MARCHF8: variants seen among roughly 807,000 people sequenced by gnomAD.
MARCHF8 encodes E3 ubiquitin-protein ligase MARCHF8.
Under a neutral mutation model 51.6 loss-of-function variants are expected in MARCHF8, and 40 were observed. The ratio of observed to expected loss-of-function variants is 0.77; its 90% CI spans 0.60 to 1.01. The LOEUF (loss-of-function observed/expected upper bound fraction) is 1.01, where lower values mean the gene tolerates loss of function less well. MARCHF8 is among the 50% of genes least tolerant of loss of function. MARCHF8 has a pLI of 0.00. For missense variants in MARCHF8, 685 were observed against 708.6 expected (o/e 0.97, Z 0.38); for synonymous variants, 263 against 280.3 (o/e 0.94, Z 0.62).
chr10:45,583,574 T>C (rs1398257354), intron 1 of MARCHF8, among the ~76,000 whole-genome samples: 1 of 152,154 alleles, frequency 6.6e-6, no homozygotes, highest in East Asian at 1.9e-4. Flanking sequence ...TATAGAATAG[T>C]AAATAAAACT....
At chr10:45,543,797 C>CAAAAAAAAA (rs35514763) in intron 1 of MARCHF8, among the ~76,000 whole-genome samples, 1 of 49,732 alleles carries the variant, frequency 2.0e-5, no homozygotes, top group Non-Finnish European at 3.6e-5. Flanking sequence ...GACTCCGTCT[C>CAAAAAAAAA]AAAAAAAAAA....
At chr10:45,548,995 CAAA>C (rs34591285) in intron 1 of MARCHF8, among the ~76,000 whole-genome samples, 4 of 110,288 alleles carry the variant, frequency 3.6e-5, no homozygotes, top group Non-Finnish European at 3.8e-5. Context: ...GACTCCATCT[CAAA>C]AAAAAAAAAA....
chr10:45,550,339 A>G (rs771809459), intron 1 of MARCHF8, among the ~76,000 whole-genome samples: 6 of 152,246 alleles, frequency 3.9e-5, no homozygotes, highest in Non-Finnish European at 7.3e-5. Flanking sequence ...TTCCTTAACA[A>G]ACACATGGAT....
In MARCHF8 at chr10:45,579,846, T is replaced by G. The variant is rs181565332; in HGVS notation, c.-79+14389A>C. 1.0e-3 allele frequency among the ~76,000 whole-genome samples: 157 copies of G among 151,888 alleles called. 3 individuals carry two copies. The East Asian group carries it at 0.023, about 22-fold the overall frequency. ...CTGGCCAACATGGTGAAACCCTGTC[T>G]CTACTAAAAATACAAAAGTTAGCCG... On this transcript the variant is annotated intron_variant, in intron 1 of 6. Coordinates refer to the MARCHF8 transcript ENST00000319836.
At chr10:45,520,438 G>A (rs575026351) in intron 2 of MARCHF8, among the ~76,000 whole-genome samples, 1 of 152,284 alleles carries the variant, frequency 6.6e-6, no homozygotes, top group Admixed American at 6.5e-5. Flanking sequence ...ATCAAATTAA[G>A]TTCCTTTCAT....
chr10:45,486,597 T>C (rs1342914729), intron 3 of MARCHF8, among the ~76,000 whole-genome samples: 1 of 152,044 alleles, frequency 6.6e-6, no homozygotes, highest in Non-Finnish European at 1.5e-5. Context: ...AAAAATAATG[T>C]ATGGTTCTCC....
intron 3 of MARCHF8, among the ~76,000 whole-genome samples, chr10:45,466,699 AG>A (rs1352651217): frequency 6.6e-6 from 1 of 152,056 alleles, no homozygotes; most frequent in Admixed American, 6.5e-5. Flanking sequence ...TGTTGGGAGG[AG>A]GTAAGGTCTT....
At chr10:45,493,457 C>T (rs1328745380) in intron 2 of MARCHF8, among the ~76,000 whole-genome samples, 4 of 152,206 alleles carry the variant, frequency 2.6e-5, no homozygotes, top group Non-Finnish European at 4.4e-5. Context: ...ACACACTACC[C>T]TGGCTTTCAT....
intron 2 of MARCHF8, among the ~76,000 whole-genome samples, chr10:45,510,995 A>G (rs1428602469): frequency 2.0e-5 from 3 of 152,236 alleles, no homozygotes; most frequent in Admixed American, 1.3e-4. Flanking sequence ...TTATGAAAAA[A>G]TGGATTTATA....
At chr10:45,542,982 G>A (rs988878739) in intron 1 of MARCHF8, among the ~76,000 whole-genome samples, 1 of 152,130 alleles carries the variant, frequency 6.6e-6, no homozygotes, top group Non-Finnish European at 1.5e-5. Flanking sequence ...ACTCTTCTAG[G>A]AAAAGGTGGT....
At chr10:45,464,477 G>C in intron 3 of MARCHF8, 150 bp from the exon 4 acceptor site, 1 of 647,124 alleles carries the variant, frequency 1.5e-6, no homozygotes. Context: ...TCTAAGCCTT[G>C]GCAAAACAAA....
chr10:45,537,759 A>C (rs994351074), upstream of MARCHF8, among the ~76,000 whole-genome samples: 2 of 152,182 alleles, frequency 1.3e-5, no homozygotes, highest in Non-Finnish European at 2.9e-5. Context: ...AGATAAATCT[A>C]TAGAGACAGA....
chr10:45,464,599 C>G (rs1235000872), intron 3 of MARCHF8, among the ~76,000 whole-genome samples: 1 of 152,214 alleles, frequency 6.6e-6, no homozygotes, highest in African/African-American at 2.4e-5. Flanking sequence ...ATTTTCTAAG[C>G]ATCTAAATTG....
intron 3 of MARCHF8, among the ~76,000 whole-genome samples, chr10:45,472,747 C>G (rs1329902577): frequency 3.3e-5 from 5 of 152,182 alleles, no homozygotes; most frequent in South Asian, 2.1e-4. Flanking sequence ...TAAACTGTAA[C>G]AGTCAGATGA....
chr10:45,460,083 GC>G (rs1842741152), intron 6 of MARCHF8, among the ~76,000 whole-genome samples: 1 of 152,140 alleles, frequency 6.6e-6, no homozygotes, highest in African/African-American at 2.4e-5. Context: ...TTTCTACTGG[GC>G]AAAACATTTT....
intron 7 of MARCHF8, among the ~76,000 whole-genome samples, chr10:45,458,794 A>G (rs1266072382): frequency 6.6e-6 from 1 of 152,196 alleles, no homozygotes; most frequent in Non-Finnish European, 1.5e-5. Flanking sequence ...GGGGACCACA[A>G]GCCTGCACCA....
chr10:45,505,994 T>A (rs1409020306), intron 2 of MARCHF8, among the ~76,000 whole-genome samples: 3 of 152,234 alleles, frequency 2.0e-5, no homozygotes, highest in Non-Finnish European at 2.9e-5. Flanking sequence ...AGAAAGGCTG[T>A]TGTCTTTCAA....
intron 3 of MARCHF8, among the ~76,000 whole-genome samples, chr10:45,482,612 G>T (rs764014363): frequency 6.6e-6 from 1 of 152,184 alleles, no homozygotes; most frequent in Non-Finnish European, 1.5e-5. Flanking sequence ...AAATTAGCCA[G>T]GTTTGGTGGT....
intron 2 of MARCHF8, among the ~76,000 whole-genome samples, chr10:45,522,636 T>C (rs1386816033): frequency 6.6e-6 from 1 of 152,216 alleles, no homozygotes; most frequent in Non-Finnish European, 1.5e-5. Flanking sequence ...CAAAAGATGC[T>C]ATTAAGATGT....
Sources: allele counts gnomAD v4.1 joint callset (sites outside exome capture counted in the v4.1 genomes callset), GRCh38; gene constraint gnomAD v4.1.1; transcripts MANE v1.5; gene names NCBI Gene and HGNC (gene_info 2026-07-23, HGNC 2026-07-21).